The following DPP6 variants were observed in gnomAD, a reference collection of about 807,000 sequenced individuals.
DPP6 encodes dipeptidyl peptidase like 6.
In DPP6, 69 loss-of-function variants were observed where a neutral mutation model predicts 122.6. The ratio of observed to expected loss-of-function variants is 0.56; its 90% confidence interval spans 0.46 to 0.69. DPP6 has a LOEUF of 0.69. Among genes scored for constraint, DPP6 ranks in the 30% least tolerant of loss-of-function variants. DPP6 has a pLI of 0.00. For missense variants in DPP6, 928 were observed against 1,116.9 expected (o/e 0.83, Z 2.41); for synonymous variants, 418 against 433.1 (o/e 0.97, Z 0.43).
At chr7:153,879,136 G>A in the DPP6 span, among the ~76,000 whole-genome samples, 2 of 152,128 alleles carry the variant, frequency 1.3e-5, no homozygotes, top group Non-Finnish European at 2.9e-5. Context: ...GATGAGATTT[G>A]TACTTCAGAT....
the DPP6 span, among the ~76,000 whole-genome samples, chr7:153,849,902 A>G: frequency 6.6e-6 from 1 of 152,166 alleles, no homozygotes; most frequent in South Asian, 2.1e-4. Flanking sequence ...TAAAAAATCA[A>G]TTAATTTGTA....
chr7:153,996,649 A>C (rs893138423), intron 1 of DPP6, among the ~76,000 whole-genome samples: 11 of 151,880 alleles, frequency 7.2e-5, no homozygotes, highest in African/African-American at 2.7e-4. Flanking sequence ...CTTCAAACTC[A>C]TTTACCTTTG....
At chr7:154,199,985 A>G (rs1461424192) in intron 1 of DPP6, among the ~76,000 whole-genome samples, 3 of 152,136 alleles carry the variant, frequency 2.0e-5, no homozygotes, top group Admixed American at 6.5e-5. Context: ...TAATGCCTGG[A>G]CTCACAGGCT....
chr7:153,786,714 G>A, the DPP6 span, among the ~76,000 whole-genome samples: 1 of 138,704 alleles, frequency 7.2e-6, no homozygotes, highest in African/African-American at 2.7e-5. Flanking sequence ...ACTCCAGCCT[G>A]GGCGACAGAG....
At position 154,813,332 on chromosome 7, in the gene DPP6, C is replaced by T. The variant is rs148588054; in HGVS notation, c.1666+6220C>T. 1.9e-3 allele frequency among the ~76,000 whole-genome samples: 296 copies of T among 152,198 alleles called. 13 individuals are homozygous for T. In the East Asian group the frequency reaches 0.05, roughly 26 times the overall value. ...TCTCCTGACCTTGTGATCTGCCCAC[C>T]TCGGCCTCCCAAAGTGCTGGGATTA... On this transcript the variant is annotated intron_variant, in intron 16 of 25. Transcript: ENST00000377770.
intron 1 of DPP6, among the ~76,000 whole-genome samples, chr7:154,349,812 G>C (rs1563525217): frequency 6.6e-6 from 1 of 151,652 alleles, no homozygotes. Flanking sequence ...CCCAAGTGCT[G>C]AAAAAAAACA....
At chr7:154,796,110 C>T (rs954043401) in intron 12 of DPP6, 5 of 593,702 alleles carry the variant, frequency 8.4e-6, no homozygotes, top group African/African-American at 7.5e-5. Context: ...GTGTGAAAAT[C>T]ACGGCTCTTC....
chr7:153,808,615 A>G, the DPP6 span, among the ~76,000 whole-genome samples: 4 of 152,050 alleles, frequency 2.6e-5, no homozygotes, highest in East Asian at 7.7e-4. Context: ...CTCTATTTCT[A>G]TGAGTCCACC....
At chr7:153,866,724 C>T in the DPP6 span, among the ~76,000 whole-genome samples, 1 of 152,208 alleles carries the variant, frequency 6.6e-6, no homozygotes, top group African/African-American at 2.4e-5. Context: ...AGTCCTTGCC[C>T]ATGCCTATGT....
intron 16 of DPP6, among the ~76,000 whole-genome samples, chr7:154,851,920 C>T (rs1802416285): frequency 6.6e-6 from 1 of 152,160 alleles, no homozygotes; most frequent in Admixed American, 6.5e-5. Flanking sequence ...GAGACTGGAT[C>T]CAGTCCTTGG....
At position 154,442,605 on chromosome 7, in the gene DPP6, C is replaced by T. The variant is rs986015473; in HGVS notation, c.244-3609C>T. Among the ~76,000 whole-genome samples the T allele has an allele frequency of 2.0e-5, 3 of 152,094 alleles. No individual in the cohort carries two copies. In the East Asian group the frequency reaches 5.8e-4, roughly 29 times the overall value. On this transcript the variant is annotated intron_variant, in intron 1 of 25. Transcript: ENST00000377770. ...AGGGTATGAGCGGAGTAGGGTAGAA[C>T]TTAGATTTGGCCTAGAGGTAGAAAG...
chr7:154,657,630 G>A (rs1212911050), intron 6 of DPP6, among the ~76,000 whole-genome samples: 1 of 3,950 alleles, frequency 2.5e-4, no homozygotes, highest in African/African-American at 5.5e-4. Context: ...GGGAGGAGGT[G>A]CTCATGGGTG....
At chr7:153,918,978 C>CAA (rs386411718) in intron 1 of DPP6, among the ~76,000 whole-genome samples, 34,318 of 88,906 alleles carry the variant, frequency 0.39, 6,927 homozygotes, top group East Asian at 0.55. Flanking sequence ...GACTCTGTCT[C>CAA]AAAAAAAAAA....
chr7:153,996,811 G>A (rs1797460626), intron 1 of DPP6, among the ~76,000 whole-genome samples: 1 of 152,156 alleles, frequency 6.6e-6, no homozygotes, highest in Non-Finnish European at 1.5e-5. Flanking sequence ...GATATTCAGA[G>A]TGGTTGATAT....
At chr7:154,891,925 G>C (rs1472112271) in intron 25 of DPP6, among the ~76,000 whole-genome samples, 1 of 152,154 alleles carries the variant, frequency 6.6e-6, no homozygotes, top group African/African-American at 2.4e-5. Context: ...CGGCTCTGTA[G>C]TCCCTAAGCT....
intron 1 of DPP6, among the ~76,000 whole-genome samples, chr7:154,334,254 T>G (rs570571356): frequency 6.6e-6 from 1 of 151,990 alleles, no homozygotes; most frequent in Admixed American, 6.5e-5. Flanking sequence ...TCCCTAAGGA[T>G]GCCGGCTGCT....
intron 19 of DPP6, 140 bp downstream of exon 19, chr7:154,872,833 G>T: frequency 6.8e-7 from 1 of 1,475,564 alleles, no homozygotes; most frequent in Admixed American, 2.0e-5. Flanking sequence ...ACATCGTTTA[G>T]CCCAATGTCA....
intron 7 of DPP6, among the ~76,000 whole-genome samples, chr7:154,727,464 G>T (rs62475809): frequency 1.3e-5 from 2 of 152,106 alleles, no homozygotes; most frequent in African/African-American, 4.8e-5. Flanking sequence ...AGATTTGGAC[G>T]GGGACACAAA....
In DPP6 at chr7:154,258,767, A is replaced by T. The variant is rs866560708; in HGVS notation, c.244-187447A>T. 2.5e-4 allele frequency among the ~76,000 whole-genome samples: 38 copies of T among 152,326 alleles called. No individual in the cohort carries two copies. In the South Asian group the frequency reaches 3.5e-3, roughly 14 times the overall value. ...CCTTAAAAACCACCACATTATACAAAATCACACCAATAAAAACACAACAGT... is the reference window on the plus strand; with the variant it reads ...CCTTAAAAACCACCACATTATACAATATCACACCAATAAAAACACAACAGT... On this transcript the variant is annotated intron_variant, in intron 1 of 25. Coordinates refer to ENST00000377770, the MANE Select transcript of DPP6 (RefSeq NM_130797.4).
Sources: gnomAD v4.1 joint callset for allele counts (sites outside exome capture counted in the v4.1 genomes callset) on GRCh38, gnomAD v4.1.1 for gene constraint, MANE v1.5 for transcripts, NCBI Gene and HGNC (gene_info 2026-07-23, HGNC 2026-07-21) for gene names.